The following ST6GAL2 variants were observed in gnomAD, a reference collection of about 807,000 sequenced individuals.
The protein encoded by ST6GAL2 is ST6 beta-galactoside alpha-2,6-sialyltransferase 2, also known as beta-galactoside alpha-2,6-sialyltransferase 2.
Under a neutral mutation model 37.5 loss-of-function variants are expected in ST6GAL2, and 24 were observed. That is an observed-to-expected ratio of 0.64 (90% CI 0.46 to 0.90). ST6GAL2 has a LOEUF of 0.90. ST6GAL2 is among the 40% of genes least tolerant of loss of function. ST6GAL2 has a pLI of 0.00. For synonymous variants in ST6GAL2, 306 were observed against 295.1 expected (o/e 1.04, Z -0.38); for missense variants, 715 against 712.7 (o/e 1.00, Z -0.04).
chr2:106,828,930 G>A (rs575930938), intron 5 of ST6GAL2, among the ~76,000 whole-genome samples: 5 of 152,256 alleles, frequency 3.3e-5, no homozygotes, highest in South Asian at 2.1e-4. Flanking sequence ...AGCTAGACTG[G>A]AAAACAATGT....
At chr2:106,850,850 A>G (rs1291098837) in intron 1 of ST6GAL2, among the ~76,000 whole-genome samples, 1 of 152,236 alleles carries the variant, frequency 6.6e-6, no homozygotes, top group Non-Finnish European at 1.5e-5. Context: ...AGTCGTCGGT[A>G]ATACTCACTG....
At chr2:106,833,574 G>A (rs1040567610) in intron 3 of ST6GAL2, among the ~76,000 whole-genome samples, 3 of 152,188 alleles carry the variant, frequency 2.0e-5, no homozygotes, top group Non-Finnish European at 1.5e-5. Context: ...CATTAAGAAC[G>A]TGAAGAAACG....
At chr2:106,815,111 C>T (rs1317797605) in intron 5 of ST6GAL2, among the ~76,000 whole-genome samples, 6 of 152,140 alleles carry the variant, frequency 3.9e-5, no homozygotes, top group African/African-American at 1.4e-4. Context: ...GGAGATAGTA[C>T]ATGTAACACA....
chr2:106,812,864 A>G (rs1483330480), intron 5 of ST6GAL2, among the ~76,000 whole-genome samples: 2 of 152,230 alleles, frequency 1.3e-5, no homozygotes, highest in Non-Finnish European at 2.9e-5. Context: ...CATGCAATTC[A>G]GTAAAGGACA....
intron 1 of ST6GAL2, among the ~76,000 whole-genome samples, chr2:106,846,803 A>G (rs1346650631): frequency 6.6e-6 from 1 of 152,248 alleles, no homozygotes; most frequent in East Asian, 1.9e-4. Flanking sequence ...TAATACCCGC[A>G]GTTAGCTTAC....
At chr2:106,826,848 A>T (rs1253693144) in intron 5 of ST6GAL2, among the ~76,000 whole-genome samples, 1 of 152,206 alleles carries the variant, frequency 6.6e-6, no homozygotes, top group Non-Finnish European at 1.5e-5. Flanking sequence ...CTATGTGTAT[A>T]TACATGTATC....
chr2:106,867,703 C>G lies in ST6GAL2; in HGVS notation c.-58+18390G>C, dbSNP rs181270420. On this transcript the variant is annotated intron_variant, in intron 1 of 5. Transcript: ENST00000409382. ...CACAGTGTGGTTAGGAACCCACCCC[C>G]AGCCCGACCCCCGCCGCCAAAATGA... 9.3e-3 allele frequency among the ~76,000 whole-genome samples: 1,415 copies of G among 152,216 alleles called. 7 individuals carry two copies. Among genetic ancestry groups the G allele is most frequent in the Non-Finnish European group, 0.011 (750 of 68,000 alleles).
intron 1 of ST6GAL2, among the ~76,000 whole-genome samples, chr2:106,881,508 A>G (rs1678749405): frequency 6.6e-6 from 1 of 152,214 alleles, no homozygotes; most frequent in Admixed American, 6.5e-5. Context: ...TTTGGCACAT[A>G]GCAATATACT....
At chr2:106,829,420 A>G (rs1249887499) in intron 5 of ST6GAL2, among the ~76,000 whole-genome samples, 1 of 152,224 alleles carries the variant, frequency 6.6e-6, no homozygotes, top group East Asian at 1.9e-4. Context: ...CTTTGAGACC[A>G]CCATGCAAGA....
chr2:106,881,359 G>A (rs192112978), intron 1 of ST6GAL2, among the ~76,000 whole-genome samples: 14 of 152,292 alleles, frequency 9.2e-5, no homozygotes, highest in African/African-American at 2.9e-4. Flanking sequence ...TCTTCTAACA[G>A]TACAAACAAA....
chr2:106,825,078 A>T (rs186427104), intron 5 of ST6GAL2: 1 of 152,416 alleles, frequency 6.6e-6, no homozygotes, highest in Non-Finnish European at 1.5e-5. Flanking sequence ...CAAAACTGTG[A>T]CAGCCACCCT....
At chr2:106,868,216 A>G (rs1290624994) in intron 1 of ST6GAL2, among the ~76,000 whole-genome samples, 1 of 152,218 alleles carries the variant, frequency 6.6e-6, no homozygotes, top group East Asian at 1.9e-4. Context: ...TTACAGGGGA[A>G]GGAACGGAAG....
chr2:106,834,342 G>T, intron 2 of ST6GAL2, 196 bp from the exon 3 acceptor site: 1 of 534,342 alleles, frequency 1.9e-6, no homozygotes, highest in Non-Finnish European at 3.3e-6. Flanking sequence ...CATCAATATG[G>T]ATATATATAG....
chr2:106,839,523 T>G (rs1243608775), intron 2 of ST6GAL2, among the ~76,000 whole-genome samples: 1 of 152,190 alleles, frequency 6.6e-6, no homozygotes, highest in Non-Finnish European at 1.5e-5. Context: ...GGAGAGTTGG[T>G]GATCAATAAA....
chr2:106,884,934 T>TATATATATATATAA (rs1425070594), intron 1 of ST6GAL2, among the ~76,000 whole-genome samples: 1 of 120,470 alleles, frequency 8.3e-6, no homozygotes, highest in African/African-American at 3.6e-5. Flanking sequence ...TATATATATA[T>TATATATATATATAA]ACATACACAC....
chr2:106,845,078 C>CA (rs1365098227), intron 1 of ST6GAL2, among the ~76,000 whole-genome samples: 27 of 152,206 alleles, frequency 1.8e-4, no homozygotes, highest in African/African-American at 6.5e-4. Context: ...AAACCAAGCA[C>CA]AGGCAGATAT....
chr2:106,836,944 C>CCAAAAAAA (rs751387904), intron 2 of ST6GAL2, among the ~76,000 whole-genome samples: 6 of 85,726 alleles, frequency 7.0e-5, no homozygotes, highest in Admixed American at 1.4e-4. Flanking sequence ...AATTCCATCT[C>CCAAAAAAA]AAAAAAAAAA....
chr2:106,833,709 C>T (rs1676517835), intron 3 of ST6GAL2, among the ~76,000 whole-genome samples: 1 of 152,150 alleles, frequency 6.6e-6, no homozygotes, highest in Non-Finnish European at 1.5e-5. Flanking sequence ...CCTTTATCCT[C>T]TGCTTTCTTT....
chr2:106,807,026 T>C (rs1009457837), intron 5 of ST6GAL2, 77 bp from the exon 6 acceptor site: 13 of 1,264,890 alleles, frequency 1.0e-5, no homozygotes, highest in Non-Finnish European at 1.4e-5. Flanking sequence ...GGAGGGGTGG[T>C]GGTGATGGGA....
Sources: allele counts gnomAD v4.1 joint callset (sites outside exome capture counted in the v4.1 genomes callset), GRCh38; gene constraint gnomAD v4.1.1; transcripts MANE v1.5; gene names NCBI Gene and HGNC (gene_info 2026-07-23, HGNC 2026-07-21).